The following DTNA variants were observed in gnomAD, a reference collection of about 807,000 sequenced individuals.
DTNA encodes the protein dystrobrevin alpha, also known as dystrophin-related protein 3.
A neutral mutation model predicts 100.7 loss-of-function variants in DTNA; 43 were observed. That is an observed-to-expected ratio of 0.43 (90% confidence interval 0.33 to 0.55). The LOEUF is 0.55. Among genes scored for constraint, DTNA ranks in the 20% least tolerant of loss-of-function variants. The pLI is 0.04. For missense variants in DTNA, 798 were observed against 953.9 expected (o/e 0.84, Z 2.15); for synonymous variants, 349 against 347.9 (o/e 1.00, Z -0.04).
chr18:34,758,015 G>A (rs189934723), intron 2 of DTNA, among the ~76,000 whole-genome samples: 109 of 152,266 alleles, frequency 7.2e-4, no homozygotes, highest in Non-Finnish European at 1.0e-3. Context: ...AGTAGGATTC[G>A]GCTGGATAAA....
chr18:34,765,273 A>G (rs1314459446), intron 2 of DTNA, among the ~76,000 whole-genome samples: 1 of 152,206 alleles, frequency 6.6e-6, no homozygotes, highest in Non-Finnish European at 1.5e-5. Flanking sequence ...ACTGGAAGCC[A>G]CAGTAAAAGA....
intron 1 of DTNA, among the ~76,000 whole-genome samples, chr18:34,554,699 C>G (rs988874777): frequency 2.1e-5 from 3 of 143,274 alleles, no homozygotes; most frequent in African/African-American, 8.0e-5. Flanking sequence ...GTATATTGAA[C>G]CAGCCTTGCA....
At chr18:34,555,664 G>T (rs1010078743) in intron 1 of DTNA, among the ~76,000 whole-genome samples, 4 of 152,122 alleles carry the variant, frequency 2.6e-5, no homozygotes, top group Non-Finnish European at 5.9e-5. Flanking sequence ...AGGTTGTTCA[G>T]TTTCCATGTA....
chr18:34,623,604 G>T (rs1239934368), intron 1 of DTNA, among the ~76,000 whole-genome samples: 1 of 152,158 alleles, frequency 6.6e-6, no homozygotes, highest in Non-Finnish European at 1.5e-5. Context: ...AATAAATGAA[G>T]ACAGGGCTTT....
chr18:34,536,242 A>C (rs1454795356), intron 1 of DTNA, among the ~76,000 whole-genome samples: 1 of 152,040 alleles, frequency 6.6e-6, no homozygotes, highest in Non-Finnish European at 1.5e-5. Flanking sequence ...TTATTTAAGC[A>C]AACTAAATGT....
chr18:34,768,514 C>T (rs900358898), intron 3 of DTNA, among the ~76,000 whole-genome samples: 1 of 152,142 alleles, frequency 6.6e-6, no homozygotes, highest in Non-Finnish European at 1.5e-5. Context: ...ATGCCTCCTG[C>T]TCTCTGAGAA....
intron 13 of DTNA, among the ~76,000 whole-genome samples, chr18:34,845,075 T>A (rs1332663179): frequency 6.6e-6 from 1 of 152,172 alleles, no homozygotes; most frequent in African/African-American, 2.4e-5. Context: ...CTGGAGAAAG[T>A]GTTGGAATTG....
chr18:34,571,299 A>C (rs1009031565), intron 1 of DTNA, among the ~76,000 whole-genome samples: 5 of 152,196 alleles, frequency 3.3e-5, no homozygotes, highest in Non-Finnish European at 7.3e-5. Context: ...GTATTTCTAA[A>C]ATGTTTCCAG....
intron 1 of DTNA, among the ~76,000 whole-genome samples, chr18:34,506,349 A>G (rs1378374377): frequency 6.6e-6 from 1 of 151,696 alleles, no homozygotes; most frequent in Admixed American, 6.6e-5. Context: ...GGTGAGGAAT[A>G]GGGGGGGTCT....
chr18:34,514,267 G>T (rs775659117), intron 1 of DTNA, among the ~76,000 whole-genome samples: 6 of 152,086 alleles, frequency 3.9e-5, no homozygotes, highest in Non-Finnish European at 8.8e-5. Context: ...TAAAACAGTA[G>T]TTCAAGCTTT....
At chr18:34,500,601 T>A (rs1388577554) in intron 1 of DTNA, among the ~76,000 whole-genome samples, 2 of 151,510 alleles carry the variant, frequency 1.3e-5, no homozygotes, top group Non-Finnish European at 2.9e-5. Context: ...GTAGCTGGGA[T>A]TACAGGCACC....
chr18:34,506,353 G>A (rs2040491202), intron 1 of DTNA, among the ~76,000 whole-genome samples: 1 of 151,892 alleles, frequency 6.6e-6, no homozygotes, highest in African/African-American at 2.4e-5. Context: ...AGGAATAGGG[G>A]GGGTCTTTAT....
intron 1 of DTNA, among the ~76,000 whole-genome samples, chr18:34,678,072 G>A (rs986861066): frequency 6.6e-6 from 1 of 152,066 alleles, no homozygotes; most frequent in Non-Finnish European, 1.5e-5. Context: ...GAGCAAAGGG[G>A]GAAAAGCCCC....
intron 1 of DTNA, among the ~76,000 whole-genome samples, chr18:34,580,372 T>C (rs2048499305): frequency 6.6e-6 from 1 of 152,210 alleles, no homozygotes. Flanking sequence ...TCATGTGTTT[T>C]ATAATTGTTT....
intron 1 of DTNA, among the ~76,000 whole-genome samples, chr18:34,568,251 C>G (rs1448741430): frequency 1.3e-5 from 2 of 152,110 alleles, no homozygotes; most frequent in African/African-American, 2.4e-5. Flanking sequence ...AATGTAGCCT[C>G]AAACCACTCT....
chr18:34,687,176 T>TAG (rs2079023130), intron 1 of DTNA, among the ~76,000 whole-genome samples: 1 of 152,206 alleles, frequency 6.6e-6, no homozygotes, highest in African/African-American at 2.4e-5. Flanking sequence ...TTTCTTGTCT[T>TAG]CTGCTAACTT....
At chr18:34,882,667 C>G (rs1399266721) in intron 21 of DTNA, among the ~76,000 whole-genome samples, 3 of 152,174 alleles carry the variant, frequency 2.0e-5, no homozygotes, top group Non-Finnish European at 4.4e-5. Context: ...TGCACCCACT[C>G]TTATAGCTGT....
intron 17 of DTNA, chr18:34,866,900 G>T (rs2096711275): frequency 3.6e-6 from 4 of 1,117,838 alleles, no homozygotes; most frequent in South Asian, 4.4e-5. Flanking sequence ...GGAAATAGGG[G>T]CATTGTGACT....
rs182954383 is a variant in DTNA at position 34,756,435 on chromosome 18, T to G, written c.67+392T>G. ...GGCATATTGTAGGCACTAGATAAAA[T>G]TTTTGAAATGAATTATTGACTTTCT... On this transcript the variant is annotated intron_variant, in intron 2 of 22. Coordinates refer to ENST00000444659, the MANE Select transcript of DTNA (RefSeq NM_001386795.1). Among the ~76,000 whole-genome samples, 61 of 152,300 alleles carry G rather than the reference T, an allele frequency of 4.0e-4. 1 individual carries two copies. Among genetic ancestry groups the G allele is most frequent in the South Asian group, 2.7e-3 (13 of 4,832 alleles).
Sources: gnomAD v4.1 joint callset for allele counts (sites outside exome capture counted in the v4.1 genomes callset) on GRCh38, gnomAD v4.1.1 for gene constraint, MANE v1.5 for transcripts, NCBI Gene and HGNC (gene_info 2026-07-23, HGNC 2026-07-21) for gene names.